MKLN1: variants seen among roughly 807,000 people sequenced by gnomAD.
The protein encoded by MKLN1 is muskelin 1, also known as muskelin.
A neutral mutation model predicts 99.0 loss-of-function variants in MKLN1; 18 were observed. That is an observed-to-expected ratio of 0.18 (90% CI 0.13 to 0.27). The LOEUF is 0.27. Ranked by LOEUF, MKLN1 falls within the 10% of genes least tolerant of loss-of-function variation. MKLN1 has a pLI of 1.00. For synonymous variants in MKLN1, 288 were observed against 293.2 expected (o/e 0.98, Z 0.18); for missense variants, 621 against 875.9 (o/e 0.71, Z 3.67).
intron 2 of MKLN1, among the ~76,000 whole-genome samples, chr7:131,376,660 ATATATT>A (rs1173683339): frequency 6.7e-6 from 1 of 150,060 alleles, no homozygotes; most frequent in South Asian, 2.1e-4. Flanking sequence ...AAAAAAGAAT[ATATATT>A]TATAATTTTT....
chr7:131,493,334 A>C lies in MKLN1; in HGVS notation c.*5606A>C, dbSNP rs1797473638. 2 of 152,208 alleles carry C rather than the reference A, an allele frequency of 1.3e-5. No individual in the cohort carries two copies. The allele number at this position is 152,208 out of a possible 1,614,324, so 9.4% of individuals were successfully genotyped here. ...ACTTCAGGAACGAGCTAGAGAAGAC[A>C]ATGAGGGTATGTTAGAGAAGGAAAA... On this transcript the variant is annotated 3_prime_UTR_variant, in exon 18 of 18. Transcript: ENST00000352689.
intron 3 of MKLN1, among the ~76,000 whole-genome samples, chr7:131,303,579 A>T (rs1798409646): frequency 6.6e-6 from 1 of 152,250 alleles, no homozygotes; most frequent in African/African-American, 2.4e-5. Context: ...AGATTGAGGC[A>T]GAACCATTTG....
intron 1 of MKLN1, among the ~76,000 whole-genome samples, chr7:131,368,123 GT>G (rs946001913): frequency 6.6e-6 from 1 of 152,160 alleles, no homozygotes; most frequent in Non-Finnish European, 1.5e-5. Flanking sequence ...AGGGGCTGAT[GT>G]TAGCAGTCAC....
intron 1 of MKLN1, among the ~76,000 whole-genome samples, chr7:131,118,440 C>T (rs1191021742): frequency 1.3e-5 from 2 of 152,014 alleles, no homozygotes; most frequent in Non-Finnish European, 2.9e-5. Flanking sequence ...GTAATGCCAG[C>T]TACTCAGGAG....
intron 1 of MKLN1, among the ~76,000 whole-genome samples, chr7:131,360,346 C>A (rs562797242): frequency 3.9e-5 from 6 of 152,192 alleles, no homozygotes; most frequent in Middle Eastern, 3.4e-3. Flanking sequence ...TTTCTATTTA[C>A]TGTACTTGTT....
rs189926681 is a variant in MKLN1 at position 131,215,451 on chromosome 7, C to T, written c.-179+12477C>T. On this transcript the variant is annotated intron_variant, in intron 3 of 7. Transcript: ENST00000416992. ...GCCTCAAATTTCTGGCTCAAGGGAT[C>T]CTTCTGTCTCAGCCTCCTGGGTAGC... is the stretch of plus-strand genomic sequence containing the variant. Among the ~76,000 whole-genome samples, 45 of 152,210 alleles carry T rather than the reference C, an allele frequency of 3.0e-4. 1 individual carries two copies. The highest frequency in any genetic ancestry group is 1.1e-3 in the African/African-American group (45 of 41,534).
At chr7:131,197,106 T>C (rs145610372) in intron 2 of MKLN1, among the ~76,000 whole-genome samples, 2 of 152,334 alleles carry the variant, frequency 1.3e-5, no homozygotes, top group East Asian at 3.9e-4. Flanking sequence ...CAAGACAAAG[T>C]GAAGAACATG....
intron 3 of MKLN1, among the ~76,000 whole-genome samples, chr7:131,227,360 CTCTT>C (rs1013875671): frequency 5.3e-5 from 8 of 150,874 alleles, no homozygotes; most frequent in African/African-American, 1.5e-4. Flanking sequence ...TTCCTTCTCT[CTCTT>C]TCTTTCTTTT....
chr7:131,172,597 G>A (rs1021971718), intron 2 of MKLN1, among the ~76,000 whole-genome samples: 3 of 152,178 alleles, frequency 2.0e-5, no homozygotes, highest in Non-Finnish European at 2.9e-5. Context: ...TTACAGGCGT[G>A]AGCCACCGTG....
chr7:131,147,836 A>G (rs1035318633), intron 2 of MKLN1, among the ~76,000 whole-genome samples: 6 of 152,218 alleles, frequency 3.9e-5, no homozygotes, highest in African/African-American at 1.2e-4. Context: ...GACCCTGCTC[A>G]TTAGCAGATA....
At chr7:131,305,796 T>A (rs75037182) in intron 3 of MKLN1, among the ~76,000 whole-genome samples, 2,228 of 152,238 alleles carry the variant, frequency 0.015, 52 homozygotes, top group African/African-American at 0.051. Flanking sequence ...TTTCCATAAA[T>A]ATATGTTGCA....
chr7:131,206,946 T>C (rs569051555), intron 3 of MKLN1, among the ~76,000 whole-genome samples: 2 of 152,156 alleles, frequency 1.3e-5, no homozygotes, highest in Non-Finnish European at 2.9e-5. Context: ...ATTTGGGACA[T>C]GTGTTTTTAA....
At chr7:131,156,139 T>G (rs1208900354) in intron 2 of MKLN1, among the ~76,000 whole-genome samples, 1 of 152,172 alleles carries the variant, frequency 6.6e-6, no homozygotes, top group African/African-American at 2.4e-5. Context: ...ATTGCGGGTT[T>G]TGCTATTATT....
intron 10 of MKLN1, among the ~76,000 whole-genome samples, chr7:131,438,913 T>G (rs551049075): frequency 6.6e-6 from 1 of 152,256 alleles, no homozygotes; most frequent in East Asian, 1.9e-4. Flanking sequence ...TAGATTTTTG[T>G]TAATTATTTG....
At chr7:131,192,505 CATATAA>C (rs1796581954) in intron 2 of MKLN1, among the ~76,000 whole-genome samples, 1 of 120,134 alleles carries the variant, frequency 8.3e-6, no homozygotes, top group South Asian at 2.5e-4. Flanking sequence ...AATATATACA[CATATAA>C]ATATAAATAT....
At chr7:131,397,401 C>T (rs1172554265) in intron 5 of MKLN1, 25 bp downstream of exon 5, 1 of 1,212,584 alleles carries the variant, frequency 8.2e-7, no homozygotes, top group Admixed American at 2.2e-5. Context: ...TAAATCCTGA[C>T]TTTAATGCCT....
intron 3 of MKLN1, among the ~76,000 whole-genome samples, chr7:131,230,937 A>G (rs886368236): frequency 6.6e-6 from 1 of 151,822 alleles, no homozygotes; most frequent in African/African-American, 2.4e-5. Flanking sequence ...CCTGGCCAAC[A>G]TGGTGAAACC....
chr7:131,309,721 ATTTTTTTTTTT>A (rs59130761), intron 3 of MKLN1: 3 of 87,544 alleles, frequency 3.4e-5, no homozygotes, highest in Admixed American at 1.8e-4. Context: ...CCACAAGTGG[ATTTTTTTTTTT>A]TTTTTTTTTT....
At chr7:131,438,201 G>C (rs1795729117) in intron 10 of MKLN1, among the ~76,000 whole-genome samples, 1 of 151,968 alleles carries the variant, frequency 6.6e-6, no homozygotes, top group South Asian at 2.1e-4. Context: ...AGAATATGAA[G>C]ATCTCAGGAC....
Sources: allele counts gnomAD v4.1 joint callset (sites outside exome capture counted in the v4.1 genomes callset), GRCh38; gene constraint gnomAD v4.1.1; transcripts MANE v1.5; gene names NCBI Gene and HGNC (gene_info 2026-07-23, HGNC 2026-07-21).